Variants in UNC13B observed in about 807,000 individuals in gnomAD.
UNC13B encodes the protein protein unc-13 homolog B.
UNC13B carries 144 observed loss-of-function variants against 211.0 expected under a neutral mutation model. The observed-to-expected ratio is 0.68, with a 90% confidence interval of 0.60 to 0.78. The LOEUF (loss-of-function observed/expected upper bound fraction) is 0.78, where lower values mean the gene tolerates loss of function less well. Ranked by LOEUF, UNC13B falls within the 30% of genes least tolerant of loss-of-function variation. UNC13B has a pLI of 0.00. For missense variants in UNC13B, 1,777 were observed against 2,002.0 expected (o/e 0.89, Z 2.14); for synonymous variants, 709 against 725.8 (o/e 0.98, Z 0.37).
At chr9:35,204,074 C>T (rs527672007) in intron 1 of UNC13B, among the ~76,000 whole-genome samples, 1 of 152,352 alleles carries the variant, frequency 6.6e-6, no homozygotes, top group African/African-American at 2.4e-5. Context: ...TGCATCCTGG[C>T]ATCTCTAGCA....
chr9:35,369,299 G>A (rs569140086), intron 12 of UNC13B, among the ~76,000 whole-genome samples: 4 of 152,212 alleles, frequency 2.6e-5, no homozygotes, highest in Admixed American at 1.3e-4. Context: ...CAACGTCTTT[G>A]CTCTCATTAA....
intron 11 of UNC13B, chr9:35,353,205 A>T: frequency 8.1e-7 from 1 of 1,232,152 alleles, no homozygotes; most frequent in Non-Finnish European, 1.0e-6. Context: ...GATGTCTTTG[A>T]CAAGTCCTCT....
At chr9:35,257,377 T>G (rs1206429967) in intron 6 of UNC13B, among the ~76,000 whole-genome samples, 1 of 137,962 alleles carries the variant, frequency 7.2e-6, no homozygotes, top group African/African-American at 2.7e-5. Flanking sequence ...TTATAAAATA[T>G]TTATATAAAT....
chr9:35,297,609 G>A (rs1829453741), intron 8 of UNC13B, among the ~76,000 whole-genome samples: 1 of 139,478 alleles, frequency 7.2e-6, no homozygotes, highest in Non-Finnish European at 1.5e-5. Flanking sequence ...GACTGCAGTG[G>A]CGCTATCTCG....
At position 35,185,289 on chromosome 9, in the gene UNC13B, C is replaced by G. The variant is rs926043932; in HGVS notation, c.22+22984C>G. ...TTTGTAGTTGGCTAAGATGCTATGT[C>G]AAGTTAAGATCTGGTGTGGCCACAT... On this transcript the variant is annotated intron_variant, in intron 1 of 39. Transcript: ENST00000635942. Among the ~76,000 whole-genome samples, 21 of 152,276 alleles carry G rather than the reference C, an allele frequency of 1.4e-4. 1 individual carries two copies. Among genetic ancestry groups the G allele is most frequent in the Admixed American group, 1.4e-3 (21 of 15,294 alleles).
intron 11 of UNC13B, chr9:35,352,838 G>A: frequency 8.1e-7 from 1 of 1,232,200 alleles, no homozygotes; most frequent in Non-Finnish European, 1.0e-6. Flanking sequence ...AAAAGAGGAG[G>A]CTTCTGGGAA....
At chr9:35,243,204 T>C (rs1825900047) in intron 5 of UNC13B, 87 bp from the exon 6 acceptor site, 1 of 1,341,104 alleles carries the variant, frequency 7.5e-7, no homozygotes. Context: ...CTGACTTCAG[T>C]CATTAGACAG....
At chr9:35,270,319 C>T (rs552081903) in intron 7 of UNC13B, among the ~76,000 whole-genome samples, 1 of 141,692 alleles carries the variant, frequency 7.1e-6, no homozygotes, top group Non-Finnish European at 1.5e-5. Flanking sequence ...CATATATTCT[C>T]TCTCTCTCTA....
chr9:35,292,373 C>T (rs888732706), intron 7 of UNC13B, among the ~76,000 whole-genome samples: 3 of 152,084 alleles, frequency 2.0e-5, no homozygotes, highest in African/African-American at 7.2e-5. Flanking sequence ...TTTTATTTAC[C>T]TATCAAATGA....
chr9:35,333,026 C>T (rs1831458184), intron 11 of UNC13B, among the ~76,000 whole-genome samples: 1 of 152,078 alleles, frequency 6.6e-6, no homozygotes, highest in African/African-American at 2.4e-5. Context: ...GCACAGGAGG[C>T]TTCTGGAGTT....
At chr9:35,330,716 C>G (rs1831322621) in intron 11 of UNC13B, among the ~76,000 whole-genome samples, 1 of 152,176 alleles carries the variant, frequency 6.6e-6, no homozygotes, top group Admixed American at 6.5e-5. Flanking sequence ...TGGCCTGGAT[C>G]TGGATGTTCA....
chr9:35,365,278 G>A (rs1048511263), intron 11 of UNC13B, among the ~76,000 whole-genome samples: 1 of 152,220 alleles, frequency 6.6e-6, no homozygotes. Context: ...TGAATACTCT[G>A]AAGCTTATGT....
intron 11 of UNC13B, among the ~76,000 whole-genome samples, chr9:35,317,462 C>T (rs866068729): frequency 1.2e-4 from 18 of 151,524 alleles, no homozygotes; most frequent in Middle Eastern, 6.8e-3. Context: ...CCTCCTATCT[C>T]AGCCTCCTAA....
In UNC13B at chr9:35,399,011, T is replaced by A; in HGVS notation, c.12051T>A (p.Pro4017=). ...AAQDADSVLR[P]LMDFLDGNLT... is the part of the protein sequence containing the mutation. ...AGGATGCAGATAGCGTACTCCGGCCTCTCATGGACTTCCTGGATGGCAAGT... is the reference window on the plus strand; with the variant it reads ...AGGATGCAGATAGCGTACTCCGGCCACTCATGGACTTCCTGGATGGCAAGT... The change falls in exon 33 of 40, where the codon CCT becomes CCA. Residue 4017 remains proline, a synonymous_variant. Coordinates refer to ENST00000635942, the MANE Select transcript of UNC13B (RefSeq NM_001371189.2). The A allele has an allele frequency of 1.2e-6, 2 of 1,614,038 alleles. No individual in the cohort carries two copies. Among genetic ancestry groups the A allele is most frequent in the African/African-American group, 2.7e-5 (2 of 75,018 alleles).
intron 2 of UNC13B, among the ~76,000 whole-genome samples, chr9:35,228,501 G>A (rs1312384641): frequency 2.0e-5 from 3 of 148,702 alleles, no homozygotes; most frequent in Non-Finnish European, 4.5e-5. Context: ...CCCACCCCAC[G>A]ACAGGCCCCA....
intron 7 of UNC13B, among the ~76,000 whole-genome samples, chr9:35,263,646 T>C (rs574259920): frequency 4.6e-5 from 7 of 152,160 alleles, no homozygotes; most frequent in Non-Finnish European, 5.9e-5. Context: ...TTAAGACTTA[T>C]TGCTGAGAAC....
intron 1 of UNC13B, among the ~76,000 whole-genome samples, chr9:35,185,179 C>T (rs954981149): frequency 6.6e-6 from 1 of 152,146 alleles, no homozygotes; most frequent in Non-Finnish European, 1.5e-5. Context: ...GCTCAGATTG[C>T]CAGTTAAGTG....
chr9:35,353,183 C>T, intron 11 of UNC13B: 4 of 1,232,110 alleles, frequency 3.2e-6, no homozygotes, highest in South Asian at 8.2e-5. Context: ...ATGTGCTGCT[C>T]ACGTCCTCAA....
At chr9:35,223,468 A>G (rs1310155552) in intron 1 of UNC13B, among the ~76,000 whole-genome samples, 1 of 151,098 alleles carries the variant, frequency 6.6e-6, no homozygotes, top group African/African-American at 2.4e-5. Flanking sequence ...TTTTTTTCAT[A>G]TACATGTTGG....
Sources: gnomAD v4.1 joint callset for allele counts (sites outside exome capture counted in the v4.1 genomes callset) on GRCh38, gnomAD v4.1.1 for gene constraint, MANE v1.5 for transcripts, NCBI Gene and HGNC (gene_info 2026-07-23, HGNC 2026-07-21) for gene names.